PDE6B: variants seen among roughly 807,000 people sequenced by gnomAD.
The protein encoded by PDE6B is rod cGMP-specific 3',5'-cyclic phosphodiesterase subunit beta.
Under a neutral mutation model 109.0 loss-of-function variants are expected in PDE6B, and 106 were observed. The ratio of observed to expected loss-of-function variants is 0.97; its 90% CI spans 0.83 to 1.14. PDE6B has a LOEUF of 1.14. Among genes scored for constraint, PDE6B ranks in the 50% most tolerant of loss-of-function variants. PDE6B has a pLI of 0.00. For missense variants in PDE6B, 1,193 were observed against 1,155.6 expected, an observed-to-expected ratio of 1.03 and a Z score of -0.47; for synonymous variants, 490 against 471.3, an observed-to-expected ratio of 1.04 and a Z score of -0.51.
At chr4:629,872 G>A (rs887323595) in intron 1 of PDE6B, among the ~76,000 whole-genome samples, 1 of 152,202 alleles carries the variant, frequency 6.6e-6, no homozygotes, top group Non-Finnish European at 1.5e-5. Context: ...GCTCGGCTAT[G>A]TGAGCACACA....
intron 12 of PDE6B, chr4:661,198 T>C (rs1426862252): frequency 6.5e-6 from 1 of 153,142 alleles, no homozygotes; most frequent in African/African-American, 2.4e-5. Flanking sequence ...AGCAGATGGA[T>C]GGTGAATGGA....
At chr4:656,649 A>C (rs1346949646) in intron 8 of PDE6B, among the ~76,000 whole-genome samples, 2 of 152,236 alleles carry the variant, frequency 1.3e-5, no homozygotes. Context: ...CCTGGTGGGA[A>C]AACGGCCTCT....
At chr4:658,896 T>C in intron 10 of PDE6B, 56 bp from the exon 11 acceptor site, 1 of 1,303,050 alleles carries the variant, frequency 7.7e-7, no homozygotes, top group Non-Finnish European at 1.1e-6. Context: ...CGCACCGCCG[T>C]CACCTTGTCC....
chr4:661,064 T>C (rs1737045363), intron 12 of PDE6B: 1 of 198,380 alleles, frequency 5.0e-6, no homozygotes, highest in Non-Finnish European at 1.0e-5. Flanking sequence ...GGTAGTTAGA[T>C]GGTTGGATAA....
At position 665,403 on chromosome 4, in the gene PDE6B, G is replaced by A; in HGVS notation, c.2268+74G>A. ...CCCCTCTTGGTCCTCAGGAGCCTCAGGTCCTGGCTTGGTCTCAGGCAGGGG... is the reference window on the plus strand; with the variant it reads ...CCCCTCTTGGTCCTCAGGAGCCTCAAGTCCTGGCTTGGTCTCAGGCAGGGG... On this transcript the variant is annotated intron_variant, in intron 19 of 21. Transcript: ENST00000496514. The surrounding 1 kb of genome is among the most constrained non-coding windows in gnomAD (Gnocchi z 4.0). The A allele has an allele frequency of 9.5e-7, 1 of 1,057,960 alleles. No homozygotes were observed. Among genetic ancestry groups the A allele is most frequent in the Non-Finnish European group, 1.5e-6 (1 of 682,326 alleles). 65.5% of individuals were successfully genotyped at this position (1,057,960 alleles called of 1,614,324 possible). A position where few individuals can be genotyped will look rare whatever the true frequency, so the allele number is the denominator to read the frequency against.
chr4:657,430 A>C lies in PDE6B; in HGVS notation c.1337A>C (p.Asp446Ala). Reference sequence around the variant, plus strand: ...ATGAACAAGCTGGAGAACCGCAAGGACATCGCACAGGACATGGTCCTTTAC... The same window carrying C: ...ATGAACAAGCTGGAGAACCGCAAGGCCATCGCACAGGACATGGTCCTTTAC... ...DKMNKLENRK[D>A]IAQDMVLYHV... is the part of the protein sequence containing the mutation. Residue 446 changes from aspartate (D) to alanine (A), a missense_variant, in exon 10 of 22, where the codon GAC becomes GCC. Coordinates refer to ENST00000496514, the MANE Select transcript of PDE6B (RefSeq NM_000283.4). 6.2e-7 allele frequency: 1 copy of C among 1,613,312 alleles called. No homozygotes were observed. The highest frequency in any genetic ancestry group is 8.5e-7 in the Non-Finnish European group (1 of 1,179,786).
At chr4:653,645 C>T (rs879251756) in intron 3 of PDE6B, 8 of 651,358 alleles carry the variant, frequency 1.2e-5, no homozygotes, top group East Asian at 1.1e-4. Flanking sequence ...GAGGCCTCAC[C>T]GCCAGCCAGC....
chr4:636,230 C>G lies in PDE6B; in HGVS notation c.711+261C>G, dbSNP rs1734672898. ...TGCAGAGGGGGAAAGGGGCACCTTT[C>G]CTAGAGGCTGCCCCCAACCTCCTTG... On this transcript the variant is annotated intron_variant, in intron 3 of 21. Coordinates refer to ENST00000496514, the MANE Select transcript of PDE6B (RefSeq NM_000283.4). The surrounding 1 kb of genome is among the most constrained non-coding windows in gnomAD (Gnocchi z 4.5). Among the ~76,000 whole-genome samples, 1 of 152,218 alleles carries G rather than the reference C, an allele frequency of 6.6e-6. No homozygotes were observed. Among genetic ancestry groups the G allele is most frequent in the Admixed American group, 6.5e-5 (1 of 15,288 alleles).
chr4:627,271 G>T (rs953762300), intron 1 of PDE6B, among the ~76,000 whole-genome samples: 1 of 151,892 alleles, frequency 6.6e-6, no homozygotes, highest in Admixed American at 6.5e-5. Flanking sequence ...TTGGCCTCCT[G>T]AGTAGCTAGG....
intron 1 of PDE6B, among the ~76,000 whole-genome samples, chr4:632,390 T>A (rs1734430061): frequency 6.6e-6 from 1 of 150,392 alleles, no homozygotes; most frequent in Non-Finnish European, 1.5e-5. Context: ...TGTGGATCCA[T>A]GTGGTGCCGT....
chr4:629,487 G>A (rs115630240), intron 1 of PDE6B, among the ~76,000 whole-genome samples: 3,336 of 152,362 alleles, frequency 0.022, 66 homozygotes, highest in Non-Finnish European at 0.031. Flanking sequence ...GCAGTGCTGT[G>A]CATGCAGCCT....
At chr4:640,353 T>C (rs964631271) in intron 3 of PDE6B, among the ~76,000 whole-genome samples, 1 of 152,194 alleles carries the variant, frequency 6.6e-6, no homozygotes, top group Non-Finnish European at 1.5e-5. Context: ...CTGGCCAAGA[T>C]GGTGAAACCC....
chr4:642,418 G>A (rs959477025), intron 3 of PDE6B, among the ~76,000 whole-genome samples: 1 of 151,834 alleles, frequency 6.6e-6, no homozygotes, highest in Non-Finnish European at 1.5e-5. Context: ...AGAGGTTGTG[G>A]TGAGCCAAGA....
intron 1 of PDE6B, among the ~76,000 whole-genome samples, chr4:630,097 G>A (rs1734309737): frequency 6.6e-6 from 1 of 152,182 alleles, no homozygotes; most frequent in African/African-American, 2.4e-5. Flanking sequence ...AGAACCCAGA[G>A]GGCACCAGAG....
In PDE6B at chr4:662,620, T is replaced by A; in HGVS notation, c.1832+2T>A. ...CACCAACAACCTGTACCAGATGAAG[T>A]AGGCACCTCAGGGCGGGCATGTGAA... On this transcript the variant is annotated splice_donor_variant, in intron 14 of 21. Coordinates refer to ENST00000496514, the MANE Select transcript of PDE6B (RefSeq NM_000283.4). LOFTEE classifies it high-confidence loss of function. This position sits in a 1 kb window ranked among gnomAD's most constrained non-coding sequence, Gnocchi z 4.3. 1.9e-6 allele frequency: 3 copies of A among 1,570,036 alleles called. No individual in the cohort carries two copies. The South Asian group carries it at 3.3e-5, about 17-fold the overall frequency.
chr4:651,854 ACTT>A (rs1199647074), intron 3 of PDE6B: 1 of 153,134 alleles, frequency 6.5e-6, no homozygotes, highest in Non-Finnish European at 1.5e-5. Context: ...GACTGAGCTG[ACTT>A]CTTCACACGG....
intron 9 of PDE6B, 26 bp downstream of exon 9, chr4:657,049 C>A (rs201367836): frequency 6.2e-7 from 1 of 1,610,418 alleles, no homozygotes; most frequent in Admixed American, 1.7e-5. Flanking sequence ...GACGTGGTTC[C>A]GCCGGGGATG....
At position 662,379 on chromosome 4, in the gene PDE6B, A is replaced by T. The variant is rs917527339; in HGVS notation, c.1723-130A>T. ...AGGGCAACGCCCTCTGACACCGTGC[A>T]CCGCGCACCCCAGCCCTGCGGTGGT... On this transcript the variant is annotated intron_variant, in intron 13 of 21. Transcript: ENST00000496514. The surrounding 1 kb of genome is among the most constrained non-coding windows in gnomAD (Gnocchi z 4.3). The T allele has an allele frequency of 1.8e-5, 15 of 819,028 alleles. No homozygotes were observed. The highest frequency in any genetic ancestry group is 2.1e-5 in the Non-Finnish European group (10 of 479,952). 50.7% of individuals were successfully genotyped at this position (819,028 alleles called of 1,614,324 possible). A position where few individuals can be genotyped will look rare whatever the true frequency, so the allele number is the denominator to read the frequency against.
rs771789776 is a variant in PDE6B at position 670,237 on chromosome 4, T to TA, written c.*132dup. Reference sequence around the variant, plus strand: ...TGACTGAAGATCATTCTGGATATTTTAATTTTTTTTTTTTTTTTTTTTTGA... The same window carrying TA: ...TGACTGAAGATCATTCTGGATATTTTAAATTTTTTTTTTTTTTTTTTTTTGA... On this transcript the variant is annotated 3_prime_UTR_variant, in exon 22 of 22. Transcript: ENST00000496514. 2 of 1,371,324 alleles carry TA rather than the reference T, an allele frequency of 1.5e-6. No individual in the cohort carries two copies. Among genetic ancestry groups the TA allele is most frequent in the Non-Finnish European group, 2.0e-6 (2 of 1,017,226 alleles). 84.9% of individuals were successfully genotyped at this position (1,371,324 alleles called of 1,614,324 possible).
Sources: allele counts gnomAD v4.1 joint callset (sites outside exome capture counted in the v4.1 genomes callset), GRCh38; gene constraint gnomAD v4.1.1; non-coding constraint Gnocchi (gnomAD v3.1); transcripts MANE v1.5; gene names NCBI Gene and HGNC (gene_info 2026-07-23, HGNC 2026-07-21).